The following DOCK1 variants were observed in gnomAD, a reference collection of about 807,000 sequenced individuals.
DOCK1 encodes the protein dedicator of cytokinesis 1.
Under a neutral mutation model 262.7 loss-of-function variants are expected in DOCK1, and 138 were observed. The observed-to-expected ratio is 0.53, with a 90% CI of 0.46 to 0.61. DOCK1 has a LOEUF of 0.61. DOCK1 is among the 20% of genes least tolerant of loss of function. The probability of loss-of-function intolerance (pLI) is 0.00; values close to 1 mark genes in which losing one functional copy is unlikely to be tolerated. For missense variants in DOCK1, 1,908 were observed against 2,370.7 expected (o/e 0.80, Z 4.05); for synonymous variants, 866 against 867.4 (o/e 1.00, Z 0.03).
chr10:127,291,976 A>C (rs865833287), intron 29 of DOCK1, among the ~76,000 whole-genome samples: 1 of 151,842 alleles, frequency 6.6e-6, no homozygotes, highest in Non-Finnish European at 1.5e-5. Context: ...GCCAGGCACC[A>C]CTCCAGAGCA....
Position 127,229,826 on chromosome 10 carries a change from G to C in DOCK1, c.2848-18182G>C, listed in dbSNP as rs78447644. 8.6e-3 allele frequency among the ~76,000 whole-genome samples: 1,304 copies of C among 152,224 alleles called. 21 individuals are homozygous for C. The highest frequency in any genetic ancestry group is 0.03 in the African/African-American group (1,230 of 41,536). Reference sequence around the variant, plus strand: ...CTCCATTGTGCTTTCCGTAATGGCTGTTTACAAATTTACACTCCCATCCAC... The same window carrying C: ...CTCCATTGTGCTTTCCGTAATGGCTCTTTACAAATTTACACTCCCATCCAC... On this transcript the variant is annotated intron_variant, in intron 27 of 51. Transcript: ENST00000623213.
intron 29 of DOCK1, among the ~76,000 whole-genome samples, chr10:127,297,818 G>A (rs1590328978): frequency 6.6e-6 from 1 of 152,136 alleles, no homozygotes; most frequent in Non-Finnish European, 1.5e-5. Context: ...AGAAAGTGAT[G>A]ACAGCTTGGA....
At chr10:127,296,954 T>C (rs944314461) in intron 29 of DOCK1, among the ~76,000 whole-genome samples, 7 of 152,182 alleles carry the variant, frequency 4.6e-5, no homozygotes, top group African/African-American at 1.7e-4. Context: ...AGATAGAGCC[T>C]GTGTCAAGTG....
intron 51 of DOCK1, among the ~76,000 whole-genome samples, chr10:127,450,732 T>C (rs1199570535): frequency 2.0e-5 from 3 of 152,182 alleles, no homozygotes; most frequent in African/African-American, 7.2e-5. Context: ...TAAAGTAATA[T>C]ATGCCCATGA....
intron 23 of DOCK1, among the ~76,000 whole-genome samples, chr10:127,064,014 A>C (rs920356509): frequency 3.9e-5 from 6 of 152,242 alleles, no homozygotes; most frequent in Admixed American, 1.3e-4. Flanking sequence ...AAATTTAAAG[A>C]TTCCCATCGT....
At chr10:126,997,642 TAC>T (rs376034459) in intron 7 of DOCK1, among the ~76,000 whole-genome samples, 4 of 151,682 alleles carry the variant, frequency 2.6e-5, no homozygotes, top group Non-Finnish European at 4.4e-5. Context: ...TATATATATA[TAC>T]ACACACACAC....
chr10:126,918,456 G>T (rs1316255277), intron 1 of DOCK1, among the ~76,000 whole-genome samples: 1 of 152,184 alleles, frequency 6.6e-6, no homozygotes, highest in Non-Finnish European at 1.5e-5. Context: ...GAATGACCTG[G>T]GTCATGTCAG....
intron 23 of DOCK1, among the ~76,000 whole-genome samples, chr10:127,103,093 C>G (rs1044339753): frequency 2.0e-5 from 3 of 152,170 alleles, no homozygotes; most frequent in Non-Finnish European, 4.4e-5. Flanking sequence ...ATCACTGTGT[C>G]GTTCACGTGC....
chr10:127,185,252 G>C (rs746531678), intron 27 of DOCK1, among the ~76,000 whole-genome samples: 3 of 152,202 alleles, frequency 2.0e-5, no homozygotes, highest in Non-Finnish European at 4.4e-5. Context: ...ACACTGGCCA[G>C]GCACGGTGGC....
At chr10:126,923,470 A>C (rs906583163) in intron 1 of DOCK1, among the ~76,000 whole-genome samples, 10 of 151,642 alleles carry the variant, frequency 6.6e-5, no homozygotes, top group African/African-American at 2.2e-4. Context: ...CTAAAAATAC[A>C]AAAATTAGCC....
intron 23 of DOCK1, among the ~76,000 whole-genome samples, chr10:127,093,643 C>T (rs2047721422): frequency 2.0e-5 from 3 of 151,812 alleles, no homozygotes; most frequent in South Asian, 2.1e-4. Flanking sequence ...TGTGAGCCAT[C>T]GCACCCATGG....
chr10:127,255,069 G>T (rs2059783721), intron 28 of DOCK1, among the ~76,000 whole-genome samples: 1 of 152,314 alleles, frequency 6.6e-6, no homozygotes, highest in South Asian at 2.1e-4. Context: ...TATTAGAGCA[G>T]CCTGCTTATT....
At chr10:127,394,542 G>A (rs955258416) in intron 38 of DOCK1, among the ~76,000 whole-genome samples, 1 of 152,134 alleles carries the variant, frequency 6.6e-6, no homozygotes, top group African/African-American at 2.4e-5. Context: ...ACATAATGAA[G>A]CCCTCATATG....
chr10:127,341,779 C>T (rs886149988), intron 30 of DOCK1, among the ~76,000 whole-genome samples: 2 of 152,182 alleles, frequency 1.3e-5, no homozygotes, highest in Admixed American at 1.3e-4. Flanking sequence ...GGGCCCACAT[C>T]GAGCGTCGCC....
At chr10:126,977,253 T>C (rs552932919) in intron 2 of DOCK1, among the ~76,000 whole-genome samples, 1 of 152,278 alleles carries the variant, frequency 6.6e-6, no homozygotes, top group African/African-American at 2.4e-5. Flanking sequence ...TTGAAGGGAC[T>C]CTTCTGTGTG....
chr10:127,269,322 T>C (rs1351660931), intron 29 of DOCK1, among the ~76,000 whole-genome samples: 1 of 152,144 alleles, frequency 6.6e-6, no homozygotes, highest in Non-Finnish European at 1.5e-5. Context: ...AATCTGAGAA[T>C]TGAGCCCACA....
intron 23 of DOCK1, among the ~76,000 whole-genome samples, chr10:127,097,550 G>C (rs1313273624): frequency 6.6e-6 from 1 of 152,096 alleles, no homozygotes; most frequent in Non-Finnish European, 1.5e-5. Context: ...ATGGGACCCA[G>C]GTATGTGTTC....
At chr10:127,311,916 G>A (rs2062077107) in intron 29 of DOCK1, among the ~76,000 whole-genome samples, 1 of 152,092 alleles carries the variant, frequency 6.6e-6, no homozygotes, top group South Asian at 2.1e-4. Flanking sequence ...CCAGGCTGGA[G>A]TGCAGTGGGG....
At chr10:126,919,406 C>T (rs1053045088) in intron 1 of DOCK1, among the ~76,000 whole-genome samples, 1 of 152,196 alleles carries the variant, frequency 6.6e-6, no homozygotes, top group Admixed American at 6.5e-5. Flanking sequence ...GTCCTCCTAA[C>T]GTCATAAGTG....
Sources: allele counts gnomAD v4.1 joint callset (sites outside exome capture counted in the v4.1 genomes callset), GRCh38; gene constraint gnomAD v4.1.1; transcripts MANE v1.5; gene names NCBI Gene and HGNC (gene_info 2026-07-23, HGNC 2026-07-21).